The following HMGCLL1 variants were observed in gnomAD, a reference collection of about 807,000 sequenced individuals.
HMGCLL1 encodes the protein 3-hydroxymethyl-3-methylglutaryl-CoA lyase, cytoplasmic.
Under a neutral mutation model 39.1 loss-of-function variants are expected in HMGCLL1, and 36 were observed. That is an observed-to-expected ratio of 0.92 (90% CI 0.71 to 1.22). The LOEUF (loss-of-function observed/expected upper bound fraction) is 1.22. Ranked by LOEUF, HMGCLL1 falls within the 50% of genes most tolerant of loss-of-function variation. The pLI is 0.00. For missense variants in HMGCLL1, 451 were observed against 416.5 expected, an observed-to-expected ratio of 1.08 and a Z score of -0.72; for synonymous variants, 149 against 144.0, an observed-to-expected ratio of 1.03 and a Z score of -0.25.
intron 3 of HMGCLL1, among the ~76,000 whole-genome samples, chr6:55,527,938 C>T (rs1177854074): frequency 6.6e-6 from 1 of 151,924 alleles, no homozygotes; most frequent in East Asian, 1.9e-4. Context: ...TTTCCGAGTA[C>T]ATCTCATGTT....
chr6:55,486,599 C>A (rs1015190925), intron 7 of HMGCLL1, among the ~76,000 whole-genome samples: 5 of 152,000 alleles, frequency 3.3e-5, no homozygotes, highest in South Asian at 2.1e-4. Context: ...AAACTTGCAC[C>A]CTTAGAGTCA....
intron 1 of HMGCLL1, among the ~76,000 whole-genome samples, chr6:55,563,314 T>C (rs1771049465): frequency 6.6e-6 from 1 of 152,040 alleles, no homozygotes; most frequent in Admixed American, 6.6e-5. Flanking sequence ...ATGTAAAAAA[T>C]AAAACATACA....
chr6:55,560,022 T>G (rs1770864978), intron 1 of HMGCLL1, among the ~76,000 whole-genome samples: 1 of 152,214 alleles, frequency 6.6e-6, no homozygotes, highest in Non-Finnish European at 1.5e-5. Flanking sequence ...CTGTATTCAC[T>G]AATTCATTCG....
At chr6:55,613,408 G>A in the HMGCLL1 span, among the ~76,000 whole-genome samples, 13 of 152,082 alleles carry the variant, frequency 8.5e-5, no homozygotes, top group Non-Finnish European at 1.6e-4. Flanking sequence ...GATCTAGAAC[G>A]AGAAATACCA....
At chr6:55,641,245 ATG>A in the HMGCLL1 span, among the ~76,000 whole-genome samples, 1 of 151,780 alleles carries the variant, frequency 6.6e-6, no homozygotes, top group East Asian at 1.9e-4. Flanking sequence ...AGGAAAAAGA[ATG>A]AATAATTTTT....
chr6:55,600,612 G>C, the HMGCLL1 span, among the ~76,000 whole-genome samples: 1 of 152,014 alleles, frequency 6.6e-6, no homozygotes, highest in Non-Finnish European at 1.5e-5. Context: ...TTTGTTAATG[G>C]ACAGCCTTTT....
At chr6:55,544,980 A>G (rs1389173407) in intron 1 of HMGCLL1, among the ~76,000 whole-genome samples, 1 of 152,110 alleles carries the variant, frequency 6.6e-6, no homozygotes, top group Non-Finnish European at 1.5e-5. Context: ...TTTCAACAGA[A>G]CAATAAATAA....
chr6:55,447,697 C>T (rs548748307), intron 7 of HMGCLL1, among the ~76,000 whole-genome samples: 2 of 152,086 alleles, frequency 1.3e-5, no homozygotes, highest in East Asian at 3.9e-4. Context: ...GTACCATGTG[C>T]TTCACATATG....
chr6:55,566,705 G>T, intron 1 of HMGCLL1: 2 of 448,890 alleles, frequency 4.5e-6, no homozygotes, highest in Non-Finnish European at 9.0e-6. Context: ...ATATGGAAAA[G>T]AAATGAAAAG....
intron 7 of HMGCLL1, among the ~76,000 whole-genome samples, chr6:55,489,774 A>C (rs922692010): frequency 1.3e-5 from 2 of 152,086 alleles, no homozygotes; most frequent in African/African-American, 4.8e-5. Context: ...AATTTAATTA[A>C]AATTGCCAAG....
chr6:55,573,950 T>C (rs1319349331), intron 1 of HMGCLL1, among the ~76,000 whole-genome samples: 1 of 152,092 alleles, frequency 6.6e-6, no homozygotes, highest in Non-Finnish European at 1.5e-5. Flanking sequence ...AGATAAATTA[T>C]CATCAAAGGA....
At chr6:55,666,817 C>T in the HMGCLL1 span, among the ~76,000 whole-genome samples, 2 of 151,660 alleles carry the variant, frequency 1.3e-5, no homozygotes, top group African/African-American at 2.4e-5. Flanking sequence ...ACATCATCTG[C>T]CAAAACTGCA....
chr6:55,525,902 T>C (rs761097044), intron 3 of HMGCLL1, among the ~76,000 whole-genome samples: 1 of 151,952 alleles, frequency 6.6e-6, no homozygotes, highest in Admixed American at 6.6e-5. Context: ...TTTTTTGCTG[T>C]GCTTTACAAT....
intron 7 of HMGCLL1, among the ~76,000 whole-genome samples, chr6:55,455,365 A>AT (rs5876452): frequency 1.5e-4 from 22 of 150,914 alleles, no homozygotes; most frequent in African/African-American, 2.4e-4. Flanking sequence ...ATATAAAATA[A>AT]TTTTTTTTTT....
At chr6:55,642,466 A>T in the HMGCLL1 span, among the ~76,000 whole-genome samples, 1 of 152,108 alleles carries the variant, frequency 6.6e-6, no homozygotes, top group Non-Finnish European at 1.5e-5. Context: ...CTTTTAAAAA[A>T]AATTTATGGG....
At chr6:55,639,559 C>A in the HMGCLL1 span, among the ~76,000 whole-genome samples, 1 of 151,838 alleles carries the variant, frequency 6.6e-6, no homozygotes, top group Non-Finnish European at 1.5e-5. Flanking sequence ...TATGAAAGAG[C>A]ATATCATAAA....
chr6:55,649,167 T>C, the HMGCLL1 span, among the ~76,000 whole-genome samples: 1 of 152,136 alleles, frequency 6.6e-6, no homozygotes, highest in Non-Finnish European at 1.5e-5. Flanking sequence ...GTGCTTACTA[T>C]TACCAGTGAG....
intron 3 of HMGCLL1, among the ~76,000 whole-genome samples, chr6:55,530,687 G>T (rs1768611988): frequency 6.6e-6 from 1 of 151,990 alleles, no homozygotes; most frequent in Non-Finnish European, 1.5e-5. Flanking sequence ...AAAATCCATT[G>T]TCTAATGTGA....
intron 1 of HMGCLL1, among the ~76,000 whole-genome samples, chr6:55,547,506 G>A (rs1770055674): frequency 6.6e-6 from 1 of 151,808 alleles, no homozygotes; most frequent in Non-Finnish European, 1.5e-5. Flanking sequence ...AGACATATTT[G>A]CTTATGTTTC....
Sources: gnomAD v4.1 joint callset for allele counts (sites outside exome capture counted in the v4.1 genomes callset) on GRCh38, gnomAD v4.1.1 for gene constraint, MANE v1.5 for transcripts, NCBI Gene and HGNC (gene_info 2026-07-23, HGNC 2026-07-21) for gene names.